Variants in RAF1 observed in about 807,000 individuals in gnomAD.
The protein encoded by RAF1 is Raf-1 proto-oncogene, serine/threonine kinase.
In RAF1, 27 loss-of-function variants were observed where a neutral mutation model predicts 81.1. That is an observed-to-expected ratio of 0.33 (90% CI 0.25 to 0.46). The LOEUF (loss-of-function observed/expected upper bound fraction) is 0.46, where lower values mean the gene tolerates loss of function less well. Ranked by LOEUF, RAF1 falls within the 20% of genes least tolerant of loss-of-function variation. The pLI, the probability that RAF1 is intolerant of heterozygous loss-of-function variation, is 1.00. For synonymous variants in RAF1, 298 were observed against 294.0 expected, an observed-to-expected ratio of 1.01 and a Z score of -0.14; for missense variants, 598 against 826.0, an observed-to-expected ratio of 0.72 and a Z score of 3.38.
At chr3:12,653,520 G>T (rs1373904164) in intron 1 of RAF1, among the ~76,000 whole-genome samples, 1 of 151,956 alleles carries the variant, frequency 6.6e-6, no homozygotes, top group African/African-American at 2.4e-5. Context: ...CCGAGCTGGT[G>T]GATTACTTGA....
intron 1 of RAF1, among the ~76,000 whole-genome samples, chr3:12,643,129 T>C (rs554817071): frequency 6.6e-6 from 1 of 152,236 alleles, no homozygotes; most frequent in Non-Finnish European, 1.5e-5. Context: ...TAACACTGCA[T>C]CTCTGTCCTC....
chr3:12,592,472 T>C (rs1402110663), intron 11 of RAF1, among the ~76,000 whole-genome samples: 1 of 152,192 alleles, frequency 6.6e-6, no homozygotes, highest in Admixed American at 6.5e-5. Flanking sequence ...TCTCTGTTAA[T>C]CCTCACAGCT....
chr3:12,606,781 T>C (rs772566820), intron 5 of RAF1, among the ~76,000 whole-genome samples: 161 of 152,320 alleles, frequency 1.1e-3, no homozygotes, highest in Non-Finnish European at 1.7e-3. Context: ...GGTATACATG[T>C]GCCATGTTGG....
chr3:12,617,466 T>C (rs2059405151), intron 2 of RAF1, among the ~76,000 whole-genome samples: 1 of 152,138 alleles, frequency 6.6e-6, no homozygotes, highest in Admixed American at 6.6e-5. Flanking sequence ...GTTGCCCGAC[T>C]GGTCTCGAAC....
intron 1 of RAF1, among the ~76,000 whole-genome samples, chr3:12,633,633 T>TA (rs34440484): frequency 2.9e-4 from 43 of 146,622 alleles, no homozygotes; most frequent in Middle Eastern, 3.6e-3. Flanking sequence ...CTTTTACAGT[T>TA]AAAAAAAAAA....
intron 1 of RAF1, among the ~76,000 whole-genome samples, chr3:12,645,206 A>G (rs1212309161): frequency 6.6e-6 from 1 of 152,086 alleles, no homozygotes. Flanking sequence ...CTAAAACCTA[A>G]CTTCTGAGAA....
In RAF1 at chr3:12,650,974, C is replaced by A. The variant is rs187289110; in HGVS notation, c.-27+12839G>T. Among the ~76,000 whole-genome samples the A allele has an allele frequency of 3.2e-4, 48 of 152,180 alleles. 1 individual carries two copies. Among genetic ancestry groups the A allele is most frequent in the Admixed American group, 6.6e-4 (10 of 15,254 alleles). On this transcript the variant is annotated intron_variant, in intron 1 of 17. Coordinates refer to ENST00000442415, the MANE Select transcript of RAF1 (RefSeq NM_001354689.3). ...GACTAACGCAGAGGTAAAACAAAAGCTAAAGTGTGCCCAGGGAATAAGCAC... is the reference window on the plus strand; with the variant it reads ...GACTAACGCAGAGGTAAAACAAAAGATAAAGTGTGCCCAGGGAATAAGCAC...
chr3:12,585,083 T>A, intron 16 of RAF1, 39 bp downstream of exon 15: 1 of 1,613,448 alleles, frequency 6.2e-7, no homozygotes, highest in Non-Finnish European at 8.5e-7. Context: ...GCCCAGGGGC[T>A]CCCACGAGTT....
chr3:12,620,092 A>C (rs1311127771), intron 1 of RAF1, among the ~76,000 whole-genome samples: 1 of 152,168 alleles, frequency 6.6e-6, no homozygotes, highest in Non-Finnish European at 1.5e-5. Context: ...AAAAAAAATA[A>C]TAATAATAAA....
intron 13 of RAF1, among the ~76,000 whole-genome samples, 173 bp from the exon 13 acceptor site, chr3:12,587,810 G>A (rs1309073678): frequency 6.8e-6 from 1 of 146,950 alleles, no homozygotes; most frequent in African/African-American, 2.5e-5. Context: ...ACCTGAAGGT[G>A]AGGCCACAGC....
Position 12,608,870 on chromosome 3 carries a change from C to G in RAF1, c.477G>C (p.Leu159=). The G allele has an allele frequency of 6.2e-7, 1 of 1,614,124 alleles. No homozygotes were observed. The highest frequency in any genetic ancestry group is 8.5e-7 in the Non-Finnish European group (1 of 1,180,014). The stretch of plus-strand genomic sequence containing the variant: ...AAGTCTGACATCGAAATCCATTGAG[C>G]AGGAATTTCTGACAGATGTCACAGA... Residue 159 remains leucine, a synonymous_variant, in exon 5 of 18, where the codon CTG becomes CTC. Transcript: ENST00000442415.
intron 1 of RAF1, among the ~76,000 whole-genome samples, chr3:12,631,480 C>A (rs1229193850): frequency 6.6e-6 from 1 of 152,042 alleles, no homozygotes; most frequent in Non-Finnish European, 1.5e-5. Context: ...GCGCCTGTAG[C>A]CCCAGCTTCT....
chr3:12,649,312 C>G (rs1223627368), intron 1 of RAF1, among the ~76,000 whole-genome samples: 3 of 152,054 alleles, frequency 2.0e-5, no homozygotes, highest in Non-Finnish European at 4.4e-5. Flanking sequence ...TAAAATTTTT[C>G]CCTGGCCAGG....
At chr3:12,642,222 G>A (rs148225613) in intron 1 of RAF1, among the ~76,000 whole-genome samples, 2,810 of 151,680 alleles carry the variant, frequency 0.019, 85 homozygotes, top group African/African-American at 0.064. Flanking sequence ...AGGCTGAAGC[G>A]GGTGGATCAT....
intron 1 of RAF1, among the ~76,000 whole-genome samples, chr3:12,654,777 GAAC>G (rs2060635373): frequency 9.9e-6 from 1 of 101,216 alleles, no homozygotes; most frequent in Non-Finnish European, 2.1e-5. Context: ...GTATCCCTTT[GAAC>G]AACATTATAC....
intron 1 of RAF1, among the ~76,000 whole-genome samples, chr3:12,663,073 CAATG>C (rs935627375): frequency 1.3e-4 from 20 of 152,262 alleles, no homozygotes; most frequent in African/African-American, 4.3e-4. Context: ...AGAACGAGAA[CAATG>C]AATGAACACG....
At chr3:12,662,813 C>A (rs911603609) in intron 1 of RAF1, among the ~76,000 whole-genome samples, 1 of 152,078 alleles carries the variant, frequency 6.6e-6, no homozygotes, top group African/African-American at 2.4e-5. Context: ...TCTAAATCCC[C>A]ATAACACTTG....
At chr3:12,653,719 AC>A (rs1414778419) in intron 1 of RAF1, among the ~76,000 whole-genome samples, 1 of 151,998 alleles carries the variant, frequency 6.6e-6, no homozygotes, top group Admixed American at 6.6e-5. Flanking sequence ...AGCCTGGGCG[AC>A]AGAGCAAGAC....
chr3:12,600,374 CTA>C lies in RAF1; in HGVS notation c.922+12_922+13del. ...AAGCCCATTATTGTTGGCTAAATGA[CTA>C]TGGAAAAGTACCTGATTCGCTGTGA... On this transcript the variant is annotated intron_variant, in intron 9 of 17. Coordinates refer to ENST00000442415, the MANE Select transcript of RAF1 (RefSeq NM_001354689.3). The C allele has an allele frequency of 6.2e-7, 1 of 1,614,080 alleles. No individual in the cohort carries two copies. The highest frequency in any genetic ancestry group is 1.1e-5 in the South Asian group (1 of 91,078).
Sources: allele counts gnomAD v4.1 joint callset (sites outside exome capture counted in the v4.1 genomes callset), GRCh38; gene constraint gnomAD v4.1.1; transcripts MANE v1.5; gene names NCBI Gene and HGNC (gene_info 2026-07-23, HGNC 2026-07-21).